Variants in TOX observed in about 807,000 individuals in gnomAD.
TOX encodes the protein thymocyte selection-associated high mobility group box protein TOX.
A neutral mutation model predicts 53.7 loss-of-function variants in TOX; 11 were observed. The ratio of observed to expected loss-of-function variants is 0.20; its 90% CI spans 0.13 to 0.34. The LOEUF is 0.34. TOX is among the 10% of genes least tolerant of loss of function. The probability of loss-of-function intolerance (pLI) is 1.00; values close to 1 mark genes in which losing one functional copy is unlikely to be tolerated. For synonymous variants in TOX, 225 were observed against 245.3 expected (o/e 0.92, Z 0.77); for missense variants, 570 against 664.6 (o/e 0.86, Z 1.56).
chr8:58,946,294 G>T (rs1408814921), intron 2 of TOX, among the ~76,000 whole-genome samples: 2 of 152,108 alleles, frequency 1.3e-5, no homozygotes, highest in African/African-American at 4.8e-5. Context: ...AGCTTCCTCT[G>T]TACATTTTTA....
intron 1 of TOX, among the ~76,000 whole-genome samples, chr8:59,112,462 T>C (rs1032782300): frequency 5.9e-5 from 9 of 152,210 alleles, no homozygotes; most frequent in Admixed American, 4.6e-4. Context: ...TTAGGGCATA[T>C]GTAAGCGGTA....
At position 58,806,411 on chromosome 8, in the gene TOX, T is replaced by C. The variant is rs1036577180; in HGVS notation, c.*1336A>G. 3 of 150,204 alleles carry C rather than the reference T, an allele frequency of 2.0e-5. No homozygotes were observed. The highest frequency in any genetic ancestry group is 1.3e-4 in the Admixed American group (2 of 15,100). 9.3% of individuals were successfully genotyped at this position (150,204 alleles called of 1,614,324 possible). ...AGCTTGAGGAAGTTTGGTTTGACTT[T>C]TACTTTTTTGCGGGGGGCGGGGGGT... On this transcript the variant is annotated 3_prime_UTR_variant, in exon 9 of 9. Coordinates refer to ENST00000361421, the MANE Select transcript of TOX (RefSeq NM_014729.3).
At chr8:59,042,168 T>C (rs1393377366) in intron 1 of TOX, among the ~76,000 whole-genome samples, 1 of 152,152 alleles carries the variant, frequency 6.6e-6, no homozygotes, top group African/African-American at 2.4e-5. Context: ...GCCAAAAAAA[T>C]CCAAGATTAC....
At chr8:58,829,249 C>A (rs894288029) in intron 5 of TOX, among the ~76,000 whole-genome samples, 1 of 152,160 alleles carries the variant, frequency 6.6e-6, no homozygotes, top group African/African-American at 2.4e-5. Context: ...TGCTTAACAA[C>A]CAGGGAAGAA....
rs752398436 is a variant in TOX, at chr8:58,909,325, G to A, written c.411+29977C>T. Among the ~76,000 whole-genome samples the A allele has an allele frequency of 1.1e-4, 17 of 152,056 alleles. 1 individual carries two copies. The highest frequency in any genetic ancestry group is 2.9e-4 in the African/African-American group (12 of 41,374). On this transcript the variant is annotated intron_variant, in intron 3 of 8. Coordinates refer to ENST00000361421, the MANE Select transcript of TOX (RefSeq NM_014729.3). The stretch of plus-strand genomic sequence containing the variant: ...AGTTACCTATGTAACAGGCCTGCAC[G>A]TCCTGCACATGTATACCAGAACTTA...
intron 1 of TOX, among the ~76,000 whole-genome samples, chr8:59,035,370 C>A (rs2129420316): frequency 6.6e-6 from 1 of 152,182 alleles, no homozygotes; most frequent in Non-Finnish European, 1.5e-5. Context: ...ACCTTCCATT[C>A]CTTATTTTTC....
intron 1 of TOX, among the ~76,000 whole-genome samples, chr8:59,092,267 A>ATATATATATAT (rs1220142049): frequency 1.1e-5 from 1 of 89,242 alleles, no homozygotes; most frequent in Non-Finnish European, 1.9e-5. Context: ...TATATATTTT[A>ATATATATATAT]TATATATATA....
At chr8:59,038,066 G>A (rs1260224786) in intron 1 of TOX, among the ~76,000 whole-genome samples, 1 of 152,078 alleles carries the variant, frequency 6.6e-6, no homozygotes. Context: ...TCCTGACAGT[G>A]ACACTAATTA....
intron 3 of TOX, among the ~76,000 whole-genome samples, chr8:58,859,409 A>G (rs571944760): frequency 1.3e-5 from 2 of 152,206 alleles, no homozygotes; most frequent in Non-Finnish European, 2.9e-5. Flanking sequence ...TTGTTTTTGT[A>G]TTTAATATTT....
chr8:59,027,184 G>C (rs1585972916), intron 1 of TOX, among the ~76,000 whole-genome samples: 1 of 152,158 alleles, frequency 6.6e-6, no homozygotes. Flanking sequence ...AGATTATCTA[G>C]TTCTAGGCCC....
chr8:59,088,496 T>C (rs7846649), intron 1 of TOX, among the ~76,000 whole-genome samples: 22,468 of 152,136 alleles, frequency 0.15, 1,970 homozygotes, highest in East Asian at 0.24. Context: ...GCTCCAGCAT[T>C]ACATTTTGGG....
chr8:59,067,161 G>C lies in TOX; in HGVS notation c.102+51725C>G, dbSNP rs62504555. 3.6e-3 allele frequency among the ~76,000 whole-genome samples: 548 copies of C among 152,216 alleles called. 2 individuals carry two copies. The highest frequency in any genetic ancestry group is 6.8e-3 in the Middle Eastern group (2 of 294). On this transcript the variant is annotated intron_variant, in intron 1 of 8. Coordinates refer to ENST00000361421, the MANE Select transcript of TOX (RefSeq NM_014729.3). ...TATGCTACCAATTTTTAACTTTTAA[G>C]TAAGTTAAAAACAAATTTCCTAGAA...
intron 7 of TOX, among the ~76,000 whole-genome samples, chr8:58,808,774 GCTT>G (rs1810029899): frequency 6.6e-6 from 1 of 152,142 alleles, no homozygotes; most frequent in African/African-American, 2.4e-5. Flanking sequence ...GGGACCATCT[GCTT>G]CTTCTTTTAT....
chr8:59,089,961 T>C (rs1255171997), intron 1 of TOX, among the ~76,000 whole-genome samples: 4 of 152,242 alleles, frequency 2.6e-5, no homozygotes, highest in Non-Finnish European at 4.4e-5. Flanking sequence ...TCTCCAGTGA[T>C]GGTCTATCAG....
intron 5 of TOX, among the ~76,000 whole-genome samples, chr8:58,833,801 A>G (rs1563365299): frequency 2.0e-5 from 3 of 152,214 alleles, no homozygotes; most frequent in Non-Finnish European, 4.4e-5. Context: ...ATTCAGTACC[A>G]TCTTCCAAAG....
chr8:58,841,374 A>C (rs554997785), intron 4 of TOX, among the ~76,000 whole-genome samples: 2 of 152,344 alleles, frequency 1.3e-5, no homozygotes, highest in African/African-American at 4.8e-5. Flanking sequence ...GATACGTAGT[A>C]AATGCTTAAC....
At chr8:58,831,893 A>G (rs1013484117) in intron 5 of TOX, among the ~76,000 whole-genome samples, 5 of 152,100 alleles carry the variant, frequency 3.3e-5, no homozygotes, top group Admixed American at 1.3e-4. Flanking sequence ...CAGGTATACA[A>G]TCCACCCAAA....
At chr8:59,037,782 A>G (rs1191529452) in intron 1 of TOX, among the ~76,000 whole-genome samples, 1 of 147,966 alleles carries the variant, frequency 6.8e-6, no homozygotes, top group Non-Finnish European at 1.5e-5. Flanking sequence ...AGCCTGGGCA[A>G]CAGAGCGAGA....
At chr8:58,852,033 C>T (rs955321866) in intron 3 of TOX, among the ~76,000 whole-genome samples, 1 of 151,884 alleles carries the variant, frequency 6.6e-6, no homozygotes, top group African/African-American at 2.4e-5. Context: ...ATCCAGTTAG[C>T]ATCATACTTC....
Sources: allele counts gnomAD v4.1 joint callset (sites outside exome capture counted in the v4.1 genomes callset), GRCh38; gene constraint gnomAD v4.1.1; transcripts MANE v1.5; gene names NCBI Gene and HGNC (gene_info 2026-07-23, HGNC 2026-07-21).